NALCN: variants seen among roughly 807,000 people sequenced by gnomAD.
The protein encoded by NALCN is sodium leak channel, non-selective.
A neutral mutation model predicts 225.3 loss-of-function variants in NALCN; 111 were observed. The observed-to-expected ratio is 0.49, with a 90% CI of 0.42 to 0.58. NALCN has a LOEUF of 0.58. Among genes scored for constraint, NALCN ranks in the 20% least tolerant of loss-of-function variants. The probability of loss-of-function intolerance (pLI) is 0.00; values close to 1 mark genes in which losing one functional copy is unlikely to be tolerated. For missense variants in NALCN, 1,378 were observed against 2,202.4 expected (o/e 0.63, Z 7.49); for synonymous variants, 764 against 769.0 (o/e 0.99, Z 0.11).
intron 15 of NALCN, among the ~76,000 whole-genome samples, chr13:101,147,279 G>A (rs375192350): frequency 1.5e-4 from 23 of 151,766 alleles, no homozygotes; most frequent in African/African-American, 5.1e-4. Context: ...TTCATTCTGC[G>A]GTTATTGCCA....
intron 22 of NALCN, among the ~76,000 whole-genome samples, 177 bp downstream of exon 22, chr13:101,107,310 G>T (rs2035176193): frequency 6.6e-6 from 1 of 152,206 alleles, no homozygotes; most frequent in South Asian, 2.1e-4. Context: ...TTAACTACTT[G>T]CGACCTTTGT....
chr13:101,377,992 A>G (rs2046742744), intron 4 of NALCN, among the ~76,000 whole-genome samples: 1 of 152,142 alleles, frequency 6.6e-6, no homozygotes, highest in Non-Finnish European at 1.5e-5. Context: ...AAAGCATTTA[A>G]TATTTGCAAT....
At chr13:101,175,966 T>C (rs1259776048) in intron 15 of NALCN, among the ~76,000 whole-genome samples, 1 of 152,214 alleles carries the variant, frequency 6.6e-6, no homozygotes, top group Non-Finnish European at 1.5e-5. Context: ...TTACATATAA[T>C]TATGCAAAAT....
intron 6 of NALCN, among the ~76,000 whole-genome samples, chr13:101,374,840 C>G (rs2046642908): frequency 6.6e-6 from 1 of 152,102 alleles, no homozygotes; most frequent in Non-Finnish European, 1.5e-5. Context: ...CAACAGCAAA[C>G]AACTAAATTC....
intron 13 of NALCN, among the ~76,000 whole-genome samples, chr13:101,222,318 C>T (rs2040971933): frequency 6.6e-6 from 1 of 152,058 alleles, no homozygotes; most frequent in Non-Finnish European, 1.5e-5. Flanking sequence ...CCCATCTCAT[C>T]CTCTCATATG....
At chr13:101,136,853 G>A (rs1338008063) in intron 17 of NALCN, among the ~76,000 whole-genome samples, 1 of 152,134 alleles carries the variant, frequency 6.6e-6, no homozygotes, top group African/African-American at 2.4e-5. Flanking sequence ...TGTATTTCTA[G>A]TTCTAGATCC....
chr13:101,357,182 G>A (rs914187330), intron 6 of NALCN, among the ~76,000 whole-genome samples: 1 of 152,102 alleles, frequency 6.6e-6, no homozygotes, highest in Non-Finnish European at 1.5e-5. Context: ...GGATGTTCTG[G>A]CCAGAGCAAT....
At chr13:101,358,849 G>A (rs980230063) in intron 6 of NALCN, among the ~76,000 whole-genome samples, 2 of 152,148 alleles carry the variant, frequency 1.3e-5, no homozygotes, top group Non-Finnish European at 2.9e-5. Flanking sequence ...ATACACCATG[G>A]AATACTATGC....
intron 1 of NALCN, among the ~76,000 whole-genome samples, chr13:101,413,161 G>T (rs1276182823): frequency 6.6e-6 from 1 of 152,070 alleles, no homozygotes; most frequent in Non-Finnish European, 1.5e-5. Flanking sequence ...ATTATAATCT[G>T]AATTCTTTAG....
chr13:101,103,297 C>G lies in NALCN; in HGVS notation c.2932G>C (p.Ala978Pro), dbSNP rs1440585159. ...ATTAGAAGCTGAGCTCCCGATTCAG[C>G]AGGTACATTTTGAGGCATCCAACAA... ...FLCWMPQNVP[A>P]ESGAQLLMVL... Residue 978 changes from alanine (A) to proline (P), a missense_variant, in exon 26 of 44, where the codon GCT (alanine) becomes CCT (proline). Around this residue, in one of 19 missense-constraint regions of NALCN, gnomAD observed 292 missense variants for 409.5 expected, o/e 0.71. Transcript: ENST00000251127. 1.9e-6 allele frequency: 3 copies of G among 1,613,722 alleles called. No homozygotes were observed. The highest frequency in any genetic ancestry group is 2.5e-6 in the Non-Finnish European group (3 of 1,179,790).
At chr13:101,058,695 G>C (rs536472497) in intron 42 of NALCN, 1 of 145,368 alleles carries the variant, frequency 6.9e-6, no homozygotes. Context: ...TCTTTCTTAG[G>C]CTTTTTCATC....
chr13:101,107,789 G>A lies in NALCN; in HGVS notation c.2365C>T (p.His789Tyr), dbSNP rs752555623. Residue 789 changes from histidine (H) to tyrosine (Y), a missense_variant and splice_region_variant, in exon 21 of 44, where the codon CAT (histidine) becomes TAT (tyrosine). His to Tyr is a moderately conservative substitution (Grantham distance 83). Coordinates refer to ENST00000251127, the MANE Select transcript of NALCN (RefSeq NM_052867.4). ...GKSLETLTQD[H>Y]SNTVRYRNAQ... ...TTTCTATATCTCACTGTATTGGAAT[G>A]CTAGAAATAAATTAACAGGGGGTGT... is the stretch of plus-strand genomic sequence containing the variant. The A allele has an allele frequency of 6.2e-7, 1 of 1,607,438 alleles. No individual in the cohort carries two copies. Among genetic ancestry groups the A allele is most frequent in the African/African-American group, 1.3e-5 (1 of 74,458 alleles).
intron 15 of NALCN, among the ~76,000 whole-genome samples, chr13:101,174,072 T>C (rs2139928697): frequency 6.6e-6 from 1 of 152,176 alleles, no homozygotes; most frequent in Non-Finnish European, 1.5e-5. Flanking sequence ...CATACAAAAA[T>C]GAGAGAAAGT....
chr13:101,389,061 CT>C (rs2139464238), intron 3 of NALCN, among the ~76,000 whole-genome samples: 1 of 152,308 alleles, frequency 6.6e-6, no homozygotes, highest in East Asian at 1.9e-4. Flanking sequence ...CCAAGATGGC[CT>C]CCTGAGACAG....
intron 6 of NALCN, among the ~76,000 whole-genome samples, chr13:101,352,158 C>T (rs1382752477): frequency 6.6e-6 from 1 of 152,142 alleles, no homozygotes; most frequent in Non-Finnish European, 1.5e-5. Context: ...ATAAAATGGA[C>T]TCAGGGACTT....
intron 15 of NALCN, among the ~76,000 whole-genome samples, chr13:101,146,848 A>T (rs1188218095): frequency 6.6e-6 from 1 of 152,134 alleles, no homozygotes; most frequent in Admixed American, 6.6e-5. Flanking sequence ...CTATAAAGAG[A>T]CAATGATAAT....
At chr13:101,211,650 C>CTACA (rs2040529207) in intron 13 of NALCN, among the ~76,000 whole-genome samples, 1 of 145,578 alleles carries the variant, frequency 6.9e-6, no homozygotes, top group Non-Finnish European at 1.5e-5. Context: ...TGACAATAAA[C>CTACA]TATATATATA....
intron 13 of NALCN, among the ~76,000 whole-genome samples, chr13:101,221,570 A>G (rs879743328): frequency 6.6e-6 from 1 of 152,126 alleles, no homozygotes; most frequent in Non-Finnish European, 1.5e-5. Context: ...AGTCACTTCA[A>G]TTAGACCTCT....
At chr13:101,071,562 C>T (rs747868633) in intron 37 of NALCN, among the ~76,000 whole-genome samples, 4 of 152,140 alleles carry the variant, frequency 2.6e-5, no homozygotes, top group Non-Finnish European at 5.9e-5. Context: ...CCTCTCTCAC[C>T]CTTCATAAAT....
Sources: allele counts gnomAD v4.1 joint callset (sites outside exome capture counted in the v4.1 genomes callset), GRCh38; gene constraint gnomAD v4.1.1; regional missense constraint gnomAD v4.1.1; transcripts MANE v1.5; gene names NCBI Gene and HGNC (gene_info 2026-07-23, HGNC 2026-07-21).